The following HIVEP2 variants were observed in gnomAD, a reference collection of about 807,000 sequenced individuals.
HIVEP2 encodes the protein HIVEP zinc finger 2.
HIVEP2 carries 14 observed loss-of-function variants against 180.7 expected under a neutral mutation model. The observed-to-expected ratio is 0.08, with a 90% CI of 0.05 to 0.12. The LOEUF is 0.12. Ranked by LOEUF, HIVEP2 falls within the 10% of genes least tolerant of loss-of-function variation. HIVEP2 has a pLI of 1.00. For missense variants in HIVEP2, 2,579 were observed against 3,008.5 expected (o/e 0.86, Z 3.34); for synonymous variants, 1,184 against 1,136.4 (o/e 1.04, Z -0.84).
chr6:142,899,043 T>C (rs9496475), intron 1 of HIVEP2, among the ~76,000 whole-genome samples: 87,773 of 151,972 alleles, frequency 0.58, 25,548 homozygotes, highest in Middle Eastern at 0.63. Flanking sequence ...ATATGTCCCC[T>C]GTCTTGCCTG....
intron 2 of HIVEP2, among the ~76,000 whole-genome samples, chr6:142,792,901 A>C (rs1776175120): frequency 6.6e-6 from 1 of 152,104 alleles, no homozygotes; most frequent in African/African-American, 2.4e-5. Context: ...ATAACTTTTC[A>C]GATAGAAAAG....
chr6:142,881,317 C>T (rs1403398976), intron 1 of HIVEP2, among the ~76,000 whole-genome samples: 1 of 152,150 alleles, frequency 6.6e-6, no homozygotes, highest in Non-Finnish European at 1.5e-5. Flanking sequence ...TATAAATCAT[C>T]ATGTCAATAA....
At position 142,925,672 on chromosome 6, in the gene HIVEP2, A is replaced by G. The variant is rs57012552; in HGVS notation, c.-641+19427T>C. ...TACTATATGCACATCTCATAATCCT[A>G]TGGGGACTTCTTTTAAATGAGAACA... On this transcript the variant is annotated intron_variant, in intron 1 of 9. Transcript: ENST00000367603. 0.012 allele frequency among the ~76,000 whole-genome samples: 1,754 copies of G among 152,290 alleles called. 83 individuals carry two copies. In the East Asian group the frequency reaches 0.17, roughly 14 times the overall value.
intron 1 of HIVEP2, among the ~76,000 whole-genome samples, chr6:142,847,683 AT>A (rs1436699893): frequency 6.6e-5 from 10 of 152,252 alleles, no homozygotes; most frequent in Admixed American, 6.5e-5. Context: ...AACTTCAGCT[AT>A]TTCTGTAATA....
At chr6:142,859,093 G>T (rs1775902780) in intron 1 of HIVEP2, among the ~76,000 whole-genome samples, 2 of 152,124 alleles carry the variant, frequency 1.3e-5, no homozygotes, top group South Asian at 4.2e-4. Context: ...CACTTTGAAG[G>T]CAGGAACTAT....
Position 142,751,516 on chromosome 6 carries a change from A to G in HIVEP2, c.*1591T>C, listed in dbSNP as rs752766211. The G allele has an allele frequency of 6.5e-6, 1 of 152,698 alleles. No individual in the cohort carries two copies. Among genetic ancestry groups the G allele is most frequent in the Non-Finnish European group, 1.5e-5 (1 of 68,052 alleles). The allele number at this position is 152,698 out of a possible 1,614,324, so 9.5% of individuals were successfully genotyped here. ...TTCTCTTTTTAAAGAACACTCCTTAATGTAATTCAATATACAAACTTGGTT... is the reference window on the plus strand; with the variant it reads ...TTCTCTTTTTAAAGAACACTCCTTAGTGTAATTCAATATACAAACTTGGTT... On this transcript the variant is annotated 3_prime_UTR_variant, in exon 10 of 10. Transcript: ENST00000367603.
Position 142,768,351 on chromosome 6 carries a change from C to T in HIVEP2, c.5342+31G>A, listed in dbSNP as rs762738835. On this transcript the variant is annotated intron_variant, in intron 6 of 9. Coordinates refer to ENST00000367603, the MANE Select transcript of HIVEP2 (RefSeq NM_006734.4). Reference sequence around the variant, plus strand: ...GACCATTTACTCTGACCTATAACTGCACATTTTACATTTGCACTTTGTTTC... The same window carrying T: ...GACCATTTACTCTGACCTATAACTGTACATTTTACATTTGCACTTTGTTTC... 2.6e-5 allele frequency: 41 copies of T among 1,600,876 alleles called. No homozygotes were observed. In the South Asian group the frequency reaches 4.5e-4, roughly 17 times the overall value.
chr6:142,945,611 G>A (rs1008192673), upstream of HIVEP2, among the ~76,000 whole-genome samples: 50 of 152,218 alleles, frequency 3.3e-4, no homozygotes, highest in African/African-American at 1.2e-3. This position sits in a 1 kb window ranked among gnomAD's most constrained non-coding sequence, Gnocchi z 5.5. Context: ...CGCTGTGAAC[G>A]AGCCGGGAGA....
In HIVEP2 at chr6:142,773,804, T is replaced by A; in HGVS notation, c.935A>T (p.His312Leu). The change falls in exon 5 of 10, where the codon CAT (histidine) becomes CTT (leucine). Residue 312 changes from histidine to leucine, a missense_variant. Coordinates refer to ENST00000367603, the MANE Select transcript of HIVEP2 (RefSeq NM_006734.4). Reference sequence around the variant, plus strand: ...TCCCAATGATTCTTCCAATGACCCATGATAGCCGCCTCTGCTGGCAATGTC... The same window carrying A: ...TCCCAATGATTCTTCCAATGACCCAAGATAGCCGCCTCTGCTGGCAATGTC... ...PLDIASRGGY[H>L]GSLEESLGGP... 6.2e-7 allele frequency: 1 copy of A among 1,613,876 alleles called. No individual in the cohort carries two copies. Among genetic ancestry groups the A allele is most frequent in the South Asian group, 1.1e-5 (1 of 91,082 alleles).
rs1226741736 is a variant in HIVEP2, at chr6:142,773,118, T to A, written c.1621A>T (p.Ile541Phe). The change falls in exon 5 of 10, where the codon ATT becomes TTT. Residue 541 changes from isoleucine (I) to phenylalanine (F), a missense_variant. Ile to Phe is a conservative substitution (Grantham distance 21, BLOSUM62 0). Coordinates refer to ENST00000367603, the MANE Select transcript of HIVEP2 (RefSeq NM_006734.4). ...GAAGTTGGCACTGAGTTGCTTCTAA[T>A]AAGGGGTGAAGAGTCTACAGGAGCT... ...LEAPVDSSPL[I>F]RSNSVPTSSA... is the part of the protein sequence containing the mutation. 6.2e-7 allele frequency: 1 copy of A among 1,614,236 alleles called. No individual in the cohort carries two copies. Among genetic ancestry groups the A allele is most frequent in the Admixed American group, 1.7e-5 (1 of 60,026 alleles).
At position 142,859,691 on chromosome 6, in the gene HIVEP2, G is replaced by A. The variant is rs7751533; in HGVS notation, c.-640-22644C>T. ...TCTACTAAAAGTAAAAAAATTAGCC[G>A]GGCATGGTGGTGCACACCTGTAATC... is the stretch of plus-strand genomic sequence containing the variant. On this transcript the variant is annotated intron_variant, in intron 1 of 9. Coordinates refer to ENST00000367603, the MANE Select transcript of HIVEP2 (RefSeq NM_006734.4). Among the ~76,000 whole-genome samples the A allele has an allele frequency of 8.0e-3, 1,213 of 151,276 alleles. 10 individuals carry two copies. Among genetic ancestry groups the A allele is most frequent in the African/African-American group, 0.027 (1,119 of 41,288 alleles).
Position 142,753,521 on chromosome 6 carries a change from G to C in HIVEP2, c.6927C>G (p.Ser2309Arg), listed in dbSNP as rs1178095960. Residue 2309 changes from serine to arginine, a missense_variant, in exon 10 of 10, where the codon AGC (serine) becomes AGG (arginine). Ser to Arg is a moderately radical substitution (Grantham distance 110). Around this residue, in one of 11 missense-constraint regions of HIVEP2, gnomAD observed 660 missense variants for 731.7 expected, o/e 0.90. Coordinates refer to ENST00000367603, the MANE Select transcript of HIVEP2 (RefSeq NM_006734.4). ...PSSPRLLMKQ[S>R]TSEDSLNATE... ...TTGCGTTTAGGCTGTCTTCCGAAGT[G>C]CTCTGTTTCATCAACAGCCGAGGAG... 1 of 1,614,188 alleles carries C rather than the reference G, an allele frequency of 6.2e-7. No homozygotes were observed. Among genetic ancestry groups the C allele is most frequent in the Admixed American group, 1.7e-5 (1 of 60,024 alleles).
chr6:142,855,967 A>C (rs1429858732), intron 1 of HIVEP2, among the ~76,000 whole-genome samples: 1 of 152,238 alleles, frequency 6.6e-6, no homozygotes, highest in Non-Finnish European at 1.5e-5. Flanking sequence ...CAACTGAAAC[A>C]CCAGGATGTT....
At chr6:142,761,676 T>G (rs1021365439) in intron 7 of HIVEP2, 111 bp from the exon 8 acceptor site, 7 of 728,804 alleles carry the variant, frequency 9.6e-6, no homozygotes, top group African/African-American at 3.5e-5. Flanking sequence ...AAATTCATCA[T>G]GTAACACAGA....
intron 1 of HIVEP2, among the ~76,000 whole-genome samples, chr6:142,930,916 G>T (rs931966807): frequency 6.6e-6 from 1 of 152,134 alleles, no homozygotes; most frequent in Non-Finnish European, 1.5e-5. Context: ...CCAAAAGTGT[G>T]ACTAGAGCTA....
chr6:142,913,640 TG>T (rs1462490465), intron 1 of HIVEP2, among the ~76,000 whole-genome samples: 1 of 152,156 alleles, frequency 6.6e-6, no homozygotes, highest in Non-Finnish European at 1.5e-5. Context: ...CCAAGTAACG[TG>T]GTGAGAGCAC....
At chr6:142,804,544 GA>G (rs1053134343) in intron 2 of HIVEP2, among the ~76,000 whole-genome samples, 1 of 149,352 alleles carries the variant, frequency 6.7e-6, no homozygotes, top group Non-Finnish European at 1.5e-5. Context: ...GAATCAAATT[GA>G]AAAAAAAATA....
At chr6:142,865,539 C>T (rs1479837492) in intron 1 of HIVEP2, among the ~76,000 whole-genome samples, 1 of 152,040 alleles carries the variant, frequency 6.6e-6, no homozygotes, top group African/African-American at 2.4e-5. Context: ...TTCATAAATG[C>T]CTACGAACGT....
chr6:142,909,117 C>A (rs1777339083), intron 1 of HIVEP2, among the ~76,000 whole-genome samples: 1 of 152,118 alleles, frequency 6.6e-6, no homozygotes, highest in Non-Finnish European at 1.5e-5. Flanking sequence ...GTCTGCCTAA[C>A]ACATAACATG....
Sources: gnomAD v4.1 joint callset for allele counts (sites outside exome capture counted in the v4.1 genomes callset) on GRCh38, gnomAD v4.1.1 for gene constraint, gnomAD v4.1.1 regional missense constraint, Gnocchi (gnomAD v3.1) non-coding constraint, MANE v1.5 for transcripts, NCBI Gene and HGNC (gene_info 2026-07-23, HGNC 2026-07-21) for gene names.